The following PLXNA4 variants were observed in gnomAD, a reference collection of about 807,000 sequenced individuals.
The protein encoded by PLXNA4 is plexin-A4.
In PLXNA4, 44 loss-of-function variants were observed where a neutral mutation model predicts 191.8. The observed-to-expected ratio is 0.23, with a 90% confidence interval of 0.18 to 0.29. The LOEUF is 0.29. Among genes scored for constraint, PLXNA4 ranks in the 10% least tolerant of loss-of-function variants. The pLI, the probability that PLXNA4 is intolerant of heterozygous loss-of-function variation, is 1.00. For synonymous variants in PLXNA4, 1,082 were observed against 1,009.5 expected (o/e 1.07, Z -1.36); for missense variants, 1,800 against 2,488.8 (o/e 0.72, Z 5.89).
intron 3 of PLXNA4, among the ~76,000 whole-genome samples, chr7:132,443,462 A>T (rs1795775222): frequency 6.6e-6 from 1 of 152,186 alleles, no homozygotes; most frequent in Non-Finnish European, 1.5e-5. Context: ...TGCAAACGAG[A>T]AACTGATGGT....
chr7:132,620,731 G>T (rs1029004265), intron 2 of PLXNA4, among the ~76,000 whole-genome samples: 1 of 152,126 alleles, frequency 6.6e-6, no homozygotes, highest in South Asian at 2.1e-4. Context: ...TTTTCATTTG[G>T]AATATGTCTT....
intron 3 of PLXNA4, among the ~76,000 whole-genome samples, chr7:132,329,883 A>G (rs1802522344): frequency 6.6e-6 from 1 of 152,208 alleles, no homozygotes; most frequent in African/African-American, 2.4e-5. Flanking sequence ...TTCTGGTTAC[A>G]TAATAGGGAG....
At position 132,228,473 on chromosome 7, in the gene PLXNA4, G is replaced by A. The variant is rs748255717; in HGVS notation, c.1605-4C>T. ...ACACCGCTCCTTCCGGGTGCAACTGGGAAGGACATACCCTCGAGTTACTCA... is the reference window on the plus strand; with the variant it reads ...ACACCGCTCCTTCCGGGTGCAACTGAGAAGGACATACCCTCGAGTTACTCA... On this transcript the variant is annotated splice_region_variant and splice_polypyrimidine_tract_variant and intron_variant, in intron 5 of 31. Transcript: ENST00000321063. 23 of 1,613,964 alleles carry A rather than the reference G, an allele frequency of 1.4e-5. No homozygotes were observed. The highest frequency in any genetic ancestry group is 1.9e-5 in the Non-Finnish European group (23 of 1,180,002).
At chr7:132,322,032 A>G (rs1802188300) in intron 3 of PLXNA4, among the ~76,000 whole-genome samples, 1 of 152,164 alleles carries the variant, frequency 6.6e-6, no homozygotes, top group African/African-American at 2.4e-5. Flanking sequence ...AACAAACAGT[A>G]AAAATAAACA....
chr7:132,167,797 C>T (rs1219825412), intron 22 of PLXNA4, among the ~76,000 whole-genome samples: 1 of 152,206 alleles, frequency 6.6e-6, no homozygotes. Flanking sequence ...GATCCTCCTG[C>T]CTTGGTCTCC....
At chr7:132,276,357 T>C (rs572412126) in intron 4 of PLXNA4, among the ~76,000 whole-genome samples, 11 of 152,250 alleles carry the variant, frequency 7.2e-5, no homozygotes, top group African/African-American at 2.2e-4. Flanking sequence ...CCCATTGAGA[T>C]GGAAAATAAA....
At chr7:132,409,819 T>C (rs1281113588) in intron 3 of PLXNA4, among the ~76,000 whole-genome samples, 1 of 152,172 alleles carries the variant, frequency 6.6e-6, no homozygotes, top group African/African-American at 2.4e-5. Flanking sequence ...TGCGGATACC[T>C]CCCCTGTAGT....
intron 10 of PLXNA4, among the ~76,000 whole-genome samples, chr7:132,208,030 C>T (rs548669582): frequency 2.0e-5 from 3 of 152,282 alleles, no homozygotes; most frequent in Admixed American, 1.3e-4. Flanking sequence ...AGTAGATACC[C>T]TCTCAGGTCT....
intron 3 of PLXNA4, among the ~76,000 whole-genome samples, chr7:132,409,477 T>C (rs1043953731): frequency 5.3e-5 from 8 of 152,206 alleles, no homozygotes; most frequent in Admixed American, 3.3e-4. Flanking sequence ...CTCAAGGACA[T>C]TGTCTGTCAC....
chr7:132,508,092 C>G lies in PLXNA4; in HGVS notation c.602G>C (p.Ser201Thr), dbSNP rs778120170. 6.2e-7 allele frequency: 1 copy of G among 1,614,216 alleles called. No homozygotes were observed. ...GKPEYFPTIS[S>T]RKLTKNSEAD... is the part of the protein sequence containing the mutation. ...CTCAGAGTTCTTGGTCAGTTTCCGG[C>G]TGGAGATGGTGGGAAAATACTCGGG... The change falls in exon 2 of 32, where the codon AGC (serine) becomes ACC (threonine). Residue 201 changes from serine to threonine, a missense_variant. This residue lies in a region of PLXNA4 where 1,397 missense variants were observed against 1,880.4 expected (regional missense o/e 0.74). Coordinates refer to ENST00000321063, the MANE Select transcript of PLXNA4 (RefSeq NM_020911.2). The surrounding 1 kb of genome is among the most constrained non-coding windows in gnomAD (Gnocchi z 4.4).
intron 3 of PLXNA4, among the ~76,000 whole-genome samples, chr7:132,332,584 C>T (rs752566567): frequency 2.6e-5 from 4 of 151,958 alleles, no homozygotes; most frequent in Admixed American, 1.3e-4. Flanking sequence ...CGTGGTGGCT[C>T]ATGCCTATAA....
chr7:132,202,458 T>C (rs1315833592), intron 12 of PLXNA4, among the ~76,000 whole-genome samples, 188 bp downstream of exon 12: 1 of 152,196 alleles, frequency 6.6e-6, no homozygotes, highest in Non-Finnish European at 1.5e-5. Flanking sequence ...AAAGAGTCTC[T>C]GATCCAAGCC....
chr7:132,191,659 T>G (rs1797090536), intron 14 of PLXNA4, among the ~76,000 whole-genome samples: 1 of 152,140 alleles, frequency 6.6e-6, no homozygotes, highest in Non-Finnish European at 1.5e-5. Flanking sequence ...CAGTGCTTGC[T>G]TTGGCCATGC....
chr7:132,562,987 TCC>T, intron 1 of PLXNA4, among the ~76,000 whole-genome samples: 1 of 34,724 alleles, frequency 2.9e-5, no homozygotes, highest in Non-Finnish European at 5.4e-5. Flanking sequence ...CTCCTCCTTC[TCC>T]TCCTCCTCCT....
chr7:132,452,429 AAAG>A (rs1486275221), intron 3 of PLXNA4, among the ~76,000 whole-genome samples: 6 of 152,226 alleles, frequency 3.9e-5, no homozygotes, highest in African/African-American at 1.4e-4. Context: ...AAGGCCAGGA[AAAG>A]AAGAAGTAAT....
At chr7:132,401,266 T>C (rs1341662031) in intron 3 of PLXNA4, among the ~76,000 whole-genome samples, 2 of 152,182 alleles carry the variant, frequency 1.3e-5, no homozygotes, top group Non-Finnish European at 2.9e-5. Flanking sequence ...CAGGAACCCC[T>C]CTGTACAATT....
chr7:132,601,055 T>A (rs1044920166), intron 2 of PLXNA4, among the ~76,000 whole-genome samples: 2 of 152,166 alleles, frequency 1.3e-5, no homozygotes, highest in Non-Finnish European at 2.9e-5. Context: ...CACAGAAACT[T>A]TTTTCTATCA....
intron 3 of PLXNA4, among the ~76,000 whole-genome samples, chr7:132,374,265 G>A (rs1188036335): frequency 6.6e-6 from 1 of 152,136 alleles, no homozygotes; most frequent in Non-Finnish European, 1.5e-5. Flanking sequence ...ACTCCTTAAG[G>A]TTCCCATTAG....
At chr7:132,197,484 T>A (rs550854990) in intron 13 of PLXNA4, among the ~76,000 whole-genome samples, 5 of 152,216 alleles carry the variant, frequency 3.3e-5, no homozygotes, top group African/African-American at 1.2e-4. Flanking sequence ...TAGGATATTT[T>A]AAAATTCTCC....
Sources: gnomAD v4.1 joint callset for allele counts (sites outside exome capture counted in the v4.1 genomes callset) on GRCh38, gnomAD v4.1.1 for gene constraint, gnomAD v4.1.1 regional missense constraint, Gnocchi (gnomAD v3.1) non-coding constraint, MANE v1.5 for transcripts, NCBI Gene and HGNC (gene_info 2026-07-23, HGNC 2026-07-21) for gene names.